SMC6: variants seen among roughly 807,000 people sequenced by gnomAD.
The protein encoded by SMC6 is structural maintenance of chromosomes protein 6.
In SMC6, 79 loss-of-function variants were observed where a neutral mutation model predicts 142.2. The observed-to-expected ratio is 0.56, with a 90% confidence interval of 0.46 to 0.67. The LOEUF is 0.67. Ranked by LOEUF, SMC6 falls within the 30% of genes least tolerant of loss-of-function variation. SMC6 has a pLI of 0.00. For missense variants in SMC6, 1,072 were observed against 1,284.0 expected, an observed-to-expected ratio of 0.83 and a Z score of 2.52; for synonymous variants, 411 against 412.4, an observed-to-expected ratio of 1.00 and a Z score of 0.04.
intron 7 of SMC6, among the ~76,000 whole-genome samples, chr2:17,730,496 A>G (rs900514061): frequency 6.6e-6 from 1 of 152,126 alleles, no homozygotes; most frequent in African/African-American, 2.4e-5. Flanking sequence ...CATCCTTATT[A>G]AGATAAATTT....
chr2:17,735,450 A>G (rs887260269), intron 5 of SMC6, among the ~76,000 whole-genome samples: 2 of 152,246 alleles, frequency 1.3e-5, no homozygotes, highest in Non-Finnish European at 2.9e-5. Context: ...CTGGGTCACC[A>G]GCTCATCTGT....
intron 4 of SMC6, among the ~76,000 whole-genome samples, chr2:17,739,821 AACACAC>A (rs148768584): frequency 5.4e-5 from 6 of 111,434 alleles, no homozygotes; most frequent in Non-Finnish European, 9.0e-5. Flanking sequence ...TTTCTCTTTA[AACACAC>A]ACACACACAC....
At chr2:17,669,753 TGAA>T (rs1485951703) in intron 26 of SMC6, among the ~76,000 whole-genome samples, 1 of 152,262 alleles carries the variant, frequency 6.6e-6, no homozygotes, top group East Asian at 1.9e-4. Context: ...CAATGAGATA[TGAA>T]GAAGAAAATA....
chr2:17,748,084 G>A (rs1670847631), intron 2 of SMC6, among the ~76,000 whole-genome samples: 1 of 152,140 alleles, frequency 6.6e-6, no homozygotes, highest in South Asian at 2.1e-4. Flanking sequence ...AAATTATAAG[G>A]CACAGCTAGG....
At chr2:17,749,928 C>G (rs755243361) in intron 2 of SMC6, among the ~76,000 whole-genome samples, 9 of 152,034 alleles carry the variant, frequency 5.9e-5, no homozygotes, top group Non-Finnish European at 1.3e-4. Flanking sequence ...CTGAATCTGC[C>G]CTGGCCTGTG....
chr2:17,699,621 CTGTT>C (rs1214542891), intron 21 of SMC6, among the ~76,000 whole-genome samples: 1 of 152,072 alleles, frequency 6.6e-6, no homozygotes, highest in Non-Finnish European at 1.5e-5. Context: ...CCCTAAGATG[CTGTT>C]TGTTTGTTTC....
intron 2 of SMC6, chr2:17,746,557 T>C (rs1183316022): frequency 1.3e-5 from 2 of 152,146 alleles, no homozygotes; most frequent in Admixed American, 6.5e-5. Context: ...TTGAAGCACA[T>C]TGCTTAGCAC....
chr2:17,688,326 A>AC (rs1021254542), intron 23 of SMC6, among the ~76,000 whole-genome samples: 9 of 151,900 alleles, frequency 5.9e-5, no homozygotes, highest in Non-Finnish European at 1.3e-4. Context: ...AAAAAAAAAA[A>AC]AAAAACAAGA....
intron 23 of SMC6, among the ~76,000 whole-genome samples, chr2:17,685,498 T>C (rs1005864254): frequency 1.6e-4 from 25 of 152,124 alleles, no homozygotes; most frequent in Non-Finnish European, 1.3e-4. Context: ...AAAATATTCA[T>C]ACACACCATT....
At chr2:17,727,954 C>A (rs781473928) in intron 7 of SMC6, among the ~76,000 whole-genome samples, 1 of 152,048 alleles carries the variant, frequency 6.6e-6, no homozygotes, top group Admixed American at 6.6e-5. Context: ...TTCACAAAGC[C>A]CCCCCAGCTC....
At chr2:17,699,117 A>AT (rs1292821330) in intron 21 of SMC6, among the ~76,000 whole-genome samples, 1 of 151,442 alleles carries the variant, frequency 6.6e-6, no homozygotes, top group African/African-American at 2.4e-5. Flanking sequence ...TTTTTATCTC[A>AT]TTTTTTTTCC....
chr2:17,729,132 AAT>A (rs1402100622), intron 7 of SMC6, among the ~76,000 whole-genome samples: 4 of 152,202 alleles, frequency 2.6e-5, no homozygotes, highest in African/African-American at 9.7e-5. Context: ...TTTTTAATCA[AAT>A]ATAACCAAAA....
chr2:17,695,596 C>T (rs1040198669), intron 22 of SMC6, among the ~76,000 whole-genome samples: 6 of 152,240 alleles, frequency 3.9e-5, no homozygotes, highest in Admixed American at 3.3e-4. Context: ...CTACCCAGGG[C>T]ATCGAGGTGA....
chr2:17,739,773 A>AGT (rs1179416022), intron 4 of SMC6, among the ~76,000 whole-genome samples: 1 of 151,738 alleles, frequency 6.6e-6, no homozygotes, highest in East Asian at 1.9e-4. Flanking sequence ...TGATCACACC[A>AGT]GTGTAGTCCA....
chr2:17,703,296 G>C lies in SMC6; in HGVS notation c.2007-4C>G, dbSNP rs1668357310. 5.0e-6 allele frequency: 8 copies of C among 1,595,030 alleles called. No homozygotes were observed. Among genetic ancestry groups the C allele is most frequent in the Non-Finnish European group, 6.0e-6 (7 of 1,173,482 alleles). Reference sequence around the variant, plus strand: ...TTCAACCTCATTCTCCAAGTCACTTGATAGGAAAGGAGAAGATAGAAAATA... The same window carrying C: ...TTCAACCTCATTCTCCAAGTCACTTCATAGGAAAGGAGAAGATAGAAAATA... On this transcript the variant is annotated splice_region_variant and splice_polypyrimidine_tract_variant and intron_variant, in intron 18 of 27. Coordinates refer to ENST00000448223, the MANE Select transcript of SMC6 (RefSeq NM_001142286.2).
chr2:17,669,463 TCAA>T (rs1207728985), intron 26 of SMC6, among the ~76,000 whole-genome samples: 2 of 151,848 alleles, frequency 1.3e-5, no homozygotes, highest in Non-Finnish European at 2.9e-5. Context: ...TTCAGGAAAA[TCAA>T]CAACACTATA....
At chr2:17,674,884 T>C (rs1026749420) in intron 25 of SMC6, among the ~76,000 whole-genome samples, 4 of 152,142 alleles carry the variant, frequency 2.6e-5, no homozygotes, top group Admixed American at 2.0e-4. Context: ...ATATTTTACT[T>C]AGGATCTTCT....
chr2:17,711,194 C>T (rs1187293992), intron 16 of SMC6, among the ~76,000 whole-genome samples: 4 of 152,090 alleles, frequency 2.6e-5, no homozygotes, highest in African/African-American at 7.2e-5. Flanking sequence ...TCCTCTAAAG[C>T]GCCAAGTCAC....
chr2:17,691,847 T>C (rs9758302), intron 23 of SMC6, among the ~76,000 whole-genome samples: 1 of 152,198 alleles, frequency 6.6e-6, no homozygotes, highest in Non-Finnish European at 1.5e-5. Context: ...CTTAAGCTGA[T>C]AGGCAACTTC....
Sources: allele counts gnomAD v4.1 joint callset (sites outside exome capture counted in the v4.1 genomes callset), GRCh38; gene constraint gnomAD v4.1.1; transcripts MANE v1.5; gene names NCBI Gene and HGNC (gene_info 2026-07-23, HGNC 2026-07-21).